Variants in MDFIC observed in about 807,000 individuals in gnomAD.
MDFIC encodes the protein myoD family inhibitor domain-containing protein.
A neutral mutation model predicts 23.2 loss-of-function variants in MDFIC; 17 were observed. The ratio of observed to expected loss-of-function variants is 0.73; its 90% confidence interval spans 0.50 to 1.10. MDFIC has a LOEUF of 1.10. Among genes scored for constraint, MDFIC ranks in the 50% least tolerant of loss-of-function variants. MDFIC has a pLI of 0.00. For missense variants in MDFIC, 356 were observed against 316.6 expected (o/e 1.12, Z -0.95); for synonymous variants, 120 against 115.2 (o/e 1.04, Z -0.27).
At chr7:114,933,345 G>C (rs6974753) in intron 2 of MDFIC, among the ~76,000 whole-genome samples, 2 of 148,406 alleles carry the variant, frequency 1.3e-5, no homozygotes, top group Non-Finnish European at 3.0e-5. Context: ...TGCAGCCTCC[G>C]CCTCCCAGGT....
intron 3 of MDFIC, among the ~76,000 whole-genome samples, chr7:114,956,040 G>T (rs1056242180): frequency 6.6e-6 from 1 of 152,140 alleles, no homozygotes; most frequent in African/African-American, 2.4e-5. Flanking sequence ...AATGGAGAGT[G>T]GGGTAGAGAT....
At chr7:114,973,085 T>C (rs1270861910) in intron 3 of MDFIC, among the ~76,000 whole-genome samples, 1 of 135,698 alleles carries the variant, frequency 7.4e-6, no homozygotes, top group African/African-American at 2.8e-5. Context: ...AGGCAGTTTA[T>C]GTATCGTGTG....
intron 4 of MDFIC, among the ~76,000 whole-genome samples, chr7:114,987,986 T>G (rs1023926947): frequency 2.0e-5 from 3 of 152,172 alleles, no homozygotes; most frequent in Non-Finnish European, 2.9e-5. Flanking sequence ...TTCTGAAAAA[T>G]ATGTAACTTA....
chr7:114,985,796 C>T (rs898394508), intron 4 of MDFIC, among the ~76,000 whole-genome samples: 4 of 151,696 alleles, frequency 2.6e-5, no homozygotes, highest in African/African-American at 7.3e-5. Flanking sequence ...AACCAGTCTA[C>T]GGAGCCTGGG....
chr7:114,938,264 T>C (rs1328422039), intron 2 of MDFIC, among the ~76,000 whole-genome samples: 1 of 152,220 alleles, frequency 6.6e-6, no homozygotes, highest in Admixed American at 6.5e-5. Flanking sequence ...CCAGATTTTG[T>C]ATTCTTAATA....
At chr7:114,946,468 A>G (rs540703236) in intron 3 of MDFIC, among the ~76,000 whole-genome samples, 1 of 152,268 alleles carries the variant, frequency 6.6e-6, no homozygotes, top group African/African-American at 2.4e-5. Flanking sequence ...AACGTCTGCT[A>G]ATTCTAAATG....
intron 4 of MDFIC, among the ~76,000 whole-genome samples, chr7:114,984,991 C>T (rs1346754978): frequency 3.3e-5 from 5 of 152,014 alleles, no homozygotes; most frequent in Admixed American, 6.6e-5. Context: ...CAGTGAAGAG[C>T]GTTATGTAGA....
Position 114,969,944 on chromosome 7 carries a change from T to C in MDFIC, c.218-9562T>C, listed in dbSNP as rs75138017. ...CAAATTTGGAAGTAGCCCTTCATGA[T>C]CCTGCAACATGTGGCTTAAAACACC... On this transcript the variant is annotated intron_variant, in intron 3 of 4. Transcript: ENST00000393486. Among the ~76,000 whole-genome samples, 944 of 152,216 alleles carry C rather than the reference T, an allele frequency of 6.2e-3. 7 individuals are homozygous for C. Among genetic ancestry groups the C allele is most frequent in the Non-Finnish European group, 0.01 (705 of 68,020 alleles).
intron 3 of MDFIC, among the ~76,000 whole-genome samples, chr7:114,950,367 T>G (rs1197321800): frequency 6.6e-6 from 1 of 151,998 alleles, no homozygotes; most frequent in Admixed American, 6.6e-5. Context: ...TTTGGACAAG[T>G]GATAGTTGTG....
intron 1 of MDFIC, 138 bp downstream of exon 1, chr7:114,922,774 C>A (rs1198364831): frequency 2.5e-6 from 3 of 1,203,474 alleles, no homozygotes; most frequent in Non-Finnish European, 2.2e-6. Context: ...TGTCAACTTG[C>A]GCTGTAACAG....
At chr7:115,005,426 CACTT>C in intron 4 of MDFIC, among the ~76,000 whole-genome samples, 1 of 152,306 alleles carries the variant, frequency 6.6e-6, no homozygotes, top group Non-Finnish European at 1.5e-5. Context: ...CAACCACAGA[CACTT>C]ACAACCCTTT....
chr7:114,945,006 A>G (rs367769161), intron 3 of MDFIC, among the ~76,000 whole-genome samples: 194 of 152,310 alleles, frequency 1.3e-3, no homozygotes, highest in African/African-American at 4.4e-3. Context: ...GTGTGGGAAC[A>G]TTTTCAAATG....
intron 4 of MDFIC, among the ~76,000 whole-genome samples, chr7:114,992,906 A>G (rs1262671910): frequency 6.6e-6 from 1 of 152,190 alleles, no homozygotes; most frequent in Non-Finnish European, 1.5e-5. Flanking sequence ...ATTGATTGGA[A>G]TAGTTTCAGA....
At position 115,017,686 on chromosome 7, in the gene MDFIC, AG is replaced by A. The variant is rs1396974398; in HGVS notation, c.*1752del. 6.6e-6 allele frequency: 1 copy of A among 152,460 alleles called. No individual in the cohort carries two copies. Among genetic ancestry groups the A allele is most frequent in the Non-Finnish European group, 1.5e-5 (1 of 67,894 alleles). 9.4% of individuals were successfully genotyped at this position (152,460 alleles called of 1,614,324 possible). A position where few individuals can be genotyped will look rare whatever the true frequency, so the allele number is the denominator to read the frequency against. On this transcript the variant is annotated 3_prime_UTR_variant, in exon 5 of 5. Transcript: ENST00000393486. ...AGTGTGTGGCTTAGATGAAAGGGAG[AG>A]TAAATTTTCATACCATGCTCTCTCC...
intron 4 of MDFIC, among the ~76,000 whole-genome samples, chr7:114,999,286 G>T (rs923777436): frequency 6.6e-6 from 1 of 151,918 alleles, no homozygotes; most frequent in Admixed American, 6.6e-5. Flanking sequence ...TAGCTTAAAA[G>T]AAATAGCTCC....
intron 3 of MDFIC, among the ~76,000 whole-genome samples, chr7:114,945,514 G>A (rs149513416): frequency 6.6e-6 from 1 of 152,166 alleles, no homozygotes; most frequent in African/African-American, 2.4e-5. Context: ...AAGACCTGGG[G>A]TATTATGGTT....
At chr7:114,944,122 TG>T in intron 3 of MDFIC, among the ~76,000 whole-genome samples, 1 of 152,324 alleles carries the variant, frequency 6.6e-6, no homozygotes, top group African/African-American at 2.4e-5. Context: ...GTAAATTGCA[TG>T]AGTTTCTTTA....
intron 3 of MDFIC, among the ~76,000 whole-genome samples, chr7:114,957,041 C>T (rs1159673757): frequency 6.6e-6 from 1 of 152,062 alleles, no homozygotes; most frequent in South Asian, 2.1e-4. Flanking sequence ...GTGTTTCTTA[C>T]TTGTAGTTTT....
intron 3 of MDFIC, among the ~76,000 whole-genome samples, chr7:114,972,347 G>A (rs1346160410): frequency 6.6e-6 from 1 of 152,032 alleles, no homozygotes. Context: ...AGATTGCCGG[G>A]GACCGACCTG....
Sources: gnomAD v4.1 joint callset for allele counts (sites outside exome capture counted in the v4.1 genomes callset) on GRCh38, gnomAD v4.1.1 for gene constraint, MANE v1.5 for transcripts, NCBI Gene and HGNC (gene_info 2026-07-23, HGNC 2026-07-21) for gene names.